Variants in STRBP observed in about 807,000 individuals in gnomAD.
STRBP encodes spermatid perinuclear RNA binding protein.
In STRBP, 13 loss-of-function variants were observed where a neutral mutation model predicts 80.1. The ratio of observed to expected loss-of-function variants is 0.16; its 90% CI spans 0.11 to 0.26. STRBP has a LOEUF of 0.26. STRBP is among the 10% of genes least tolerant of loss of function. STRBP has a pLI of 1.00. For synonymous variants in STRBP, 284 were observed against 291.2 expected, an observed-to-expected ratio of 0.98 and a Z score of 0.25; for missense variants, 485 against 815.2, an observed-to-expected ratio of 0.59 and a Z score of 4.93.
At chr9:123,158,716 C>G (rs2132391545) in intron 9 of STRBP, among the ~76,000 whole-genome samples, 1 of 152,218 alleles carries the variant, frequency 6.6e-6, no homozygotes, top group East Asian at 1.9e-4. Context: ...CAGCCCAAAT[C>G]TTAAAAGGGA....
intron 16 of STRBP, 116 bp downstream of exon 16, chr9:123,135,925 G>T: frequency 1.4e-6 from 2 of 1,380,648 alleles, no homozygotes; most frequent in Non-Finnish European, 9.8e-7. Flanking sequence ...AGGTCACCAA[G>T]TCCAAGAAAA....
intron 18 of STRBP, among the ~76,000 whole-genome samples, chr9:123,127,418 T>A (rs1172797814): frequency 6.6e-6 from 1 of 152,114 alleles, no homozygotes. Flanking sequence ...ACACACACAC[T>A]CTCATGCTCT....
At chr9:123,233,740 T>C (rs958788491) in intron 2 of STRBP, among the ~76,000 whole-genome samples, 1 of 152,230 alleles carries the variant, frequency 6.6e-6, no homozygotes, top group Non-Finnish European at 1.5e-5. Flanking sequence ...TCTACATAAA[T>C]AAACATGCTC....
intron 2 of STRBP, among the ~76,000 whole-genome samples, chr9:123,202,731 A>C (rs925427407): frequency 2.0e-5 from 3 of 152,208 alleles, no homozygotes; most frequent in African/African-American, 7.2e-5. Context: ...GAAATGAAAA[A>C]TGCTTAAAGT....
At position 123,160,938 on chromosome 9, in the gene STRBP, C is replaced by A; in HGVS notation, c.627+39G>T. 3.3e-6 allele frequency: 5 copies of A among 1,535,008 alleles called. No homozygotes were observed. In the South Asian group the frequency reaches 6.2e-5, roughly 19 times the overall value. ...GCAGGTGTTCCAAATGAAACTTGGA[C>A]AAACTTTAATAACAATAAGATAGTA... On this transcript the variant is annotated intron_variant, in intron 7 of 18. Transcript: ENST00000348403.
At chr9:123,151,339 G>T (rs2037048785) in intron 11 of STRBP, among the ~76,000 whole-genome samples, 1 of 151,924 alleles carries the variant, frequency 6.6e-6, no homozygotes, top group Non-Finnish European at 1.5e-5. Context: ...AAAGCACAAT[G>T]AACAAGTGAC....
chr9:123,145,801 T>C lies in STRBP; in HGVS notation c.1338+1054A>G, dbSNP rs78734697. On this transcript the variant is annotated intron_variant, in intron 13 of 18. Transcript: ENST00000348403. ...CTTTTTCTGCCTCATTTTAAATTCA[T>C]ACTCTTTCATCATACTTTAGATATC... Among the ~76,000 whole-genome samples, 332 of 152,346 alleles carry C rather than the reference T, an allele frequency of 2.2e-3. 4 individuals carry two copies. Among genetic ancestry groups the C allele is most frequent in the Middle Eastern group, 0.014 (4 of 294 alleles).
chr9:123,166,675 A>G (rs1264777067), intron 6 of STRBP, among the ~76,000 whole-genome samples: 1 of 151,868 alleles, frequency 6.6e-6, no homozygotes, highest in East Asian at 1.9e-4. Context: ...AATTGCTTGA[A>G]CCCAGGAGGC....
Position 123,124,644 on chromosome 9 carries a change from T to A in STRBP, c.*953A>T, listed in dbSNP as rs918331595. On this transcript the variant is annotated 3_prime_UTR_variant, in exon 19 of 19. Transcript: ENST00000348403. Reference sequence around the variant, plus strand: ...CAAAATCACTAATCTTCTATCTGCATGAAAAAAGCCAGGGAGTGAACACAA... The same window carrying A: ...CAAAATCACTAATCTTCTATCTGCAAGAAAAAAGCCAGGGAGTGAACACAA... The A allele has an allele frequency of 4.1e-6, 4 of 985,250 alleles. No homozygotes were observed. Among genetic ancestry groups the A allele is most frequent in the Non-Finnish European group, 4.8e-6 (4 of 829,926 alleles). 61.0% of individuals were successfully genotyped at this position (985,250 alleles called of 1,614,324 possible). A position where few individuals can be genotyped will look rare whatever the true frequency, so the allele number is the denominator to read the frequency against.
intron 11 of STRBP, among the ~76,000 whole-genome samples, chr9:123,153,864 A>G (rs748362944): frequency 3.3e-5 from 5 of 152,200 alleles, no homozygotes; most frequent in Non-Finnish European, 7.4e-5. Context: ...GTAAAGAGAA[A>G]GGGTCTGAGG....
chr9:123,248,058 A>G (rs944892515), intron 1 of STRBP, among the ~76,000 whole-genome samples: 1 of 152,210 alleles, frequency 6.6e-6, no homozygotes, highest in African/African-American at 2.4e-5. Context: ...AAACATTTCT[A>G]TGAAGTCTTG....
At chr9:123,256,018 C>CTTTTTTTTT (rs11338372) in intron 1 of STRBP, among the ~76,000 whole-genome samples, 552 of 71,454 alleles carry the variant, frequency 7.7e-3, no homozygotes, top group Non-Finnish European at 0.01. Context: ...TCCTTTCTTT[C>CTTTTTTTTT]TTTTTTTTTT....
intron 1 of STRBP, among the ~76,000 whole-genome samples, chr9:123,256,714 T>C (rs893718234): frequency 6.6e-6 from 1 of 152,028 alleles, no homozygotes; most frequent in Non-Finnish European, 1.5e-5. Context: ...CAGAACACCA[T>C]TCCGTCACAG....
At position 123,161,568 on chromosome 9, in the gene STRBP, T is replaced by G. The variant is rs2037524301; in HGVS notation, c.536-500A>C. 2.0e-5 allele frequency among the ~76,000 whole-genome samples: 3 copies of G among 152,290 alleles called. No individual in the cohort carries two copies. The South Asian group carries it at 6.2e-4, about 32-fold the overall frequency. On this transcript the variant is annotated intron_variant, in intron 6 of 18. Coordinates refer to ENST00000348403, the MANE Select transcript of STRBP (RefSeq NM_018387.5). ...AAAAATAAACTGAGGATGACAATTT[T>G]TTTACACTAGATAAACTAATTCAAC...
At chr9:123,212,321 T>C (rs188707065) in intron 2 of STRBP, among the ~76,000 whole-genome samples, 2 of 152,350 alleles carry the variant, frequency 1.3e-5, no homozygotes, top group East Asian at 1.9e-4. Flanking sequence ...GAAAACAGTA[T>C]ATATTAATAA....
rs767884438 is a variant in STRBP, at chr9:123,139,592, T to A, written c.1434A>T (p.Thr478=). Residue 478 remains threonine, a synonymous_variant, in exon 14 of 19, where the codon ACA becomes ACT. Coordinates refer to ENST00000348403, the MANE Select transcript of STRBP (RefSeq NM_018387.5). ...TATTATTGCTTGAGTTTGAAGACAC[T>A]GTTTCATTTTTACTTTCATTATCTG... The part of the protein sequence containing the change: ...EKSDNESKNE[T]VSSNSSNNTG... The A allele has an allele frequency of 2.5e-6, 4 of 1,613,240 alleles. No homozygotes were observed. Among genetic ancestry groups the A allele is most frequent in the African/African-American group, 1.3e-5 (1 of 75,050 alleles).
chr9:123,112,547 T>C (rs868184872), intron 3 of STRBP: 30 of 167,372 alleles, frequency 1.8e-4, no homozygotes, highest in African/African-American at 7.2e-4. Flanking sequence ...TCAACGTGCC[T>C]AGAAACCCCT....
chr9:123,121,908 ATGTG>A lies in STRBP; in HGVS notation c.*3685_*3688del. The A allele has an allele frequency of 6.4e-6, 1 of 157,130 alleles. No homozygotes were observed. The highest frequency in any genetic ancestry group is 1.9e-4 in the East Asian group (1 of 5,332). 9.7% of individuals were successfully genotyped at this position (157,130 alleles called of 1,614,324 possible). A position where few individuals can be genotyped will look rare whatever the true frequency, so the allele number is the denominator to read the frequency against. On this transcript the variant is annotated 3_prime_UTR_variant, in exon 19 of 19. Coordinates refer to ENST00000348403, the MANE Select transcript of STRBP (RefSeq NM_018387.5). ...ACTGAATTCTTACATTTAAACAGGT[ATGTG>A]TGTGTAATTTACATACGTGTTATAT...
intron 4 of STRBP, among the ~76,000 whole-genome samples, chr9:123,174,862 C>T (rs2038153797): frequency 6.6e-6 from 1 of 152,168 alleles, no homozygotes; most frequent in African/African-American, 2.4e-5. Flanking sequence ...TGGTTCATTT[C>T]CCTTAATCAC....
Sources: gnomAD v4.1 joint callset for allele counts (sites outside exome capture counted in the v4.1 genomes callset) on GRCh38, gnomAD v4.1.1 for gene constraint, MANE v1.5 for transcripts, NCBI Gene and HGNC (gene_info 2026-07-23, HGNC 2026-07-21) for gene names.